The following KATNAL1 variants were observed in gnomAD, a reference collection of about 807,000 sequenced individuals.
KATNAL1 encodes katanin catalytic subunit A1 like 1, also known as katanin p60 ATPase-containing subunit A-like 1.
KATNAL1 carries 32 observed loss-of-function variants against 55.2 expected under a neutral mutation model. The observed-to-expected ratio is 0.58, with a 90% CI of 0.44 to 0.78. The LOEUF is 0.78. Among genes scored for constraint, KATNAL1 ranks in the 30% least tolerant of loss-of-function variants. The pLI is 0.00. For missense variants in KATNAL1, 466 were observed against 600.9 expected (o/e 0.78, Z 2.35); for synonymous variants, 193 against 193.6 (o/e 1.00, Z 0.02).
At chr13:30,218,508 T>C (rs137971629) in intron 9 of KATNAL1, among the ~76,000 whole-genome samples, 1 of 152,248 alleles carries the variant, frequency 6.6e-6, no homozygotes, top group East Asian at 1.9e-4. Context: ...GTAACAGTTC[T>C]CTCTCATCCC....
intron 4 of KATNAL1, among the ~76,000 whole-genome samples, chr13:30,253,381 A>C (rs1878509343): frequency 6.6e-6 from 1 of 152,218 alleles, no homozygotes; most frequent in African/African-American, 2.4e-5. Context: ...TGTCAATGAA[A>C]GAATAACTAA....
intron 9 of KATNAL1, among the ~76,000 whole-genome samples, chr13:30,222,987 C>T (rs150653609): frequency 0.025 from 3,837 of 151,584 alleles, 92 homozygotes; most frequent in Non-Finnish European, 0.035. Context: ...CCCAGCTACT[C>T]AGGAGGCTGA....
intron 6 of KATNAL1, among the ~76,000 whole-genome samples, chr13:30,236,190 T>A (rs913757606): frequency 6.6e-6 from 1 of 152,152 alleles, no homozygotes; most frequent in Admixed American, 6.5e-5. Context: ...AAGGCTTCCC[T>A]AAGTTCTGTG....
intron 3 of KATNAL1, among the ~76,000 whole-genome samples, chr13:30,272,646 TA>T (rs964571374): frequency 6.6e-6 from 1 of 150,858 alleles, no homozygotes; most frequent in Admixed American, 6.6e-5. Context: ...TCTGTAACAT[TA>T]AAAAAAAAGA....
At chr13:30,251,497 GCCTGTTGGCCCCTTCCAT>G (rs1205186993) in intron 4 of KATNAL1, among the ~76,000 whole-genome samples, 2 of 152,114 alleles carry the variant, frequency 1.3e-5, no homozygotes, top group African/African-American at 2.4e-5. Context: ...TCCCAAGGGA[GCCTGTTGGCCCCTTCCAT>G]CCTGTAAGGA....
At chr13:30,224,791 G>C (rs967200615) in intron 9 of KATNAL1, among the ~76,000 whole-genome samples, 1 of 152,124 alleles carries the variant, frequency 6.6e-6, no homozygotes, top group African/African-American at 2.4e-5. Context: ...TGAAAAATGA[G>C]CCATCACTAC....
At chr13:30,209,611 C>A (rs73443653) in intron 10 of KATNAL1, among the ~76,000 whole-genome samples, 1 of 152,162 alleles carries the variant, frequency 6.6e-6, no homozygotes, top group Admixed American at 6.5e-5. Flanking sequence ...AAATTTTAAA[C>A]GTGTATCTTC....
Position 30,280,079 on chromosome 13 carries a change from C to G in KATNAL1, c.307G>C (p.Val103Leu). ...FRDPAVWPPP[V>L]PAEHRAPPQI... ...CCTATTTACCTGTGTTCTGCAGGAA[C>G]AGGGGGTGGCCAAACAGCAGGATCT... Residue 103 changes from valine (V) to leucine (L), a missense_variant, in exon 3 of 11, where the codon GTT (valine) becomes CTT (leucine). Physicochemically the swap from Val to Leu is conservative, Grantham distance 32. This residue lies in a region of KATNAL1 where 248 missense variants were observed against 275.5 expected (regional missense o/e 0.90). Coordinates refer to ENST00000380615, the MANE Select transcript of KATNAL1 (RefSeq NM_032116.5). 1.2e-6 allele frequency: 2 copies of G among 1,611,750 alleles called. No individual in the cohort carries two copies. The highest frequency in any genetic ancestry group is 1.7e-6 in the Non-Finnish European group (2 of 1,179,214).
rs997078140 is a variant in KATNAL1 at position 30,227,552 on chromosome 13, C to T, written c.1013-6G>A. 21 of 1,612,070 alleles carry T rather than the reference C, an allele frequency of 1.3e-5. No homozygotes were observed. Among genetic ancestry groups the T allele is most frequent in the African/African-American group, 2.7e-5 (2 of 74,876 alleles). On this transcript the variant is annotated splice_polypyrimidine_tract_variant and splice_region_variant and intron_variant, in intron 8 of 10. Coordinates refer to ENST00000380615, the MANE Select transcript of KATNAL1 (RefSeq NM_032116.5). Reference sequence around the variant, plus strand: ...TTCTAAAGCTCCTCCAACTCCTATACACAGTAAGGGAGGAAAAGATAGTGT... The same window carrying T: ...TTCTAAAGCTCCTCCAACTCCTATATACAGTAAGGGAGGAAAAGATAGTGT...
intron 4 of KATNAL1, among the ~76,000 whole-genome samples, chr13:30,248,888 T>C (rs1197688756): frequency 6.6e-6 from 1 of 152,072 alleles, no homozygotes; most frequent in African/African-American, 2.4e-5. Flanking sequence ...TGAAACCCCA[T>C]CTCTACCAAA....
intron 1 of KATNAL1, among the ~76,000 whole-genome samples, chr13:30,298,400 C>T (rs1399551480): frequency 6.6e-6 from 1 of 152,150 alleles, no homozygotes; most frequent in Non-Finnish European, 1.5e-5. Context: ...TTTGTTTATT[C>T]ACTCATCAGT....
chr13:30,297,041 G>A (rs1016551755), intron 1 of KATNAL1, among the ~76,000 whole-genome samples: 1 of 151,866 alleles, frequency 6.6e-6, no homozygotes, highest in African/African-American at 2.4e-5. Context: ...AGGCTGGGGC[G>A]GGATGATCGC....
intron 4 of KATNAL1, among the ~76,000 whole-genome samples, chr13:30,244,934 G>A (rs1181565617): frequency 6.6e-6 from 1 of 151,616 alleles, no homozygotes; most frequent in Non-Finnish European, 1.5e-5. Context: ...AAAAAGCCCA[G>A]GACCAGACGG....
intron 1 of KATNAL1, among the ~76,000 whole-genome samples, chr13:30,298,080 T>C (rs1034899845): frequency 2.0e-5 from 3 of 152,368 alleles, no homozygotes; most frequent in Middle Eastern, 3.4e-3. Context: ...CGTAATGTTA[T>C]TGCACACTTA....
At chr13:30,265,795 G>A (rs1404807046) in intron 3 of KATNAL1, among the ~76,000 whole-genome samples, 1 of 150,990 alleles carries the variant, frequency 6.6e-6, no homozygotes, top group African/African-American at 2.4e-5. Context: ...CAGATCACCT[G>A]AGGTCAGGAG....
chr13:30,246,432 TA>T (rs1337503759), intron 4 of KATNAL1, among the ~76,000 whole-genome samples: 1 of 152,084 alleles, frequency 6.6e-6, no homozygotes, highest in Non-Finnish European at 1.5e-5. Context: ...CCTAAAACCA[TA>T]AAAACCCTAG....
intron 1 of KATNAL1, among the ~76,000 whole-genome samples, chr13:30,297,918 T>C (rs1882620573): frequency 6.6e-6 from 1 of 152,160 alleles, no homozygotes; most frequent in Non-Finnish European, 1.5e-5. Flanking sequence ...GCTACTACAC[T>C]CACTCTCTGG....
At chr13:30,304,126 G>A (rs896758630) in intron 1 of KATNAL1, among the ~76,000 whole-genome samples, 2 of 152,164 alleles carry the variant, frequency 1.3e-5, no homozygotes, top group African/African-American at 4.8e-5. Context: ...CAGAAAATAA[G>A]TTGGAGACAC....
chr13:30,264,457 A>G (rs1879574127), intron 3 of KATNAL1, among the ~76,000 whole-genome samples: 1 of 147,768 alleles, frequency 6.8e-6, no homozygotes, highest in African/African-American at 2.5e-5. Flanking sequence ...AAATGGGAGA[A>G]AATTTTCACA....
Sources: allele counts gnomAD v4.1 joint callset (sites outside exome capture counted in the v4.1 genomes callset), GRCh38; gene constraint gnomAD v4.1.1; regional missense constraint gnomAD v4.1.1; transcripts MANE v1.5; gene names NCBI Gene and HGNC (gene_info 2026-07-23, HGNC 2026-07-21).